SH3GL2: variants seen among roughly 807,000 people sequenced by gnomAD.
The protein encoded by SH3GL2 is SH3 domain containing GRB2 like 2, endophilin A1.
In SH3GL2, 24 loss-of-function variants were observed where a neutral mutation model predicts 46.0. The observed-to-expected ratio is 0.52, with a 90% CI of 0.38 to 0.73. The LOEUF (loss-of-function observed/expected upper bound fraction) is 0.73. Ranked by LOEUF, SH3GL2 falls within the 30% of genes least tolerant of loss-of-function variation. The pLI, the probability that SH3GL2 is intolerant of heterozygous loss-of-function variation, is 0.00. For synonymous variants in SH3GL2, 196 were observed against 147.1 expected (o/e 1.33, Z -2.40); for missense variants, 413 against 424.2 (o/e 0.97, Z 0.23).
At chr9:17,690,631 A>C (rs919565039) in intron 1 of SH3GL2, among the ~76,000 whole-genome samples, 1 of 152,086 alleles carries the variant, frequency 6.6e-6, no homozygotes, top group African/African-American at 2.4e-5. Context: ...AGTGGTAGAA[A>C]TGTGCACTGT....
chr9:17,766,518 A>G (rs867204250), intron 3 of SH3GL2, among the ~76,000 whole-genome samples: 43 of 152,228 alleles, frequency 2.8e-4, no homozygotes, highest in Admixed American at 3.9e-4. Context: ...ATGTTGTCCA[A>G]TAGAAATAGG....
chr9:17,761,493 C>T lies in SH3GL2; in HGVS notation c.171C>T (p.Tyr57=), dbSNP rs763893552. 6 of 1,594,866 alleles carry T rather than the reference C, an allele frequency of 3.8e-6. No individual in the cohort carries two copies. Among genetic ancestry groups the T allele is most frequent in the African/African-American group, 2.7e-5 (2 of 74,566 alleles). The change falls in exon 3 of 9, where the codon TAC becomes TAT. Residue 57 remains tyrosine, a synonymous_variant. Transcript: ENST00000380607. ...VMEIMTKTIE[Y]LQPNPASRAK... is the part of the protein sequence containing the mutation. ...AAATAATGACTAAAACAATTGAATA[C>T]CTTCAACCCAATCCAGGTAAGGCAT...
intron 1 of SH3GL2, among the ~76,000 whole-genome samples, chr9:17,595,089 C>G (rs544071762): frequency 6.6e-6 from 1 of 152,098 alleles, no homozygotes; most frequent in South Asian, 2.1e-4. Flanking sequence ...CATTATTATC[C>G]CCATTTTACA....
intron 1 of SH3GL2, among the ~76,000 whole-genome samples, chr9:17,693,778 C>CT (rs1321047803): frequency 6.6e-6 from 1 of 152,156 alleles, no homozygotes; most frequent in East Asian, 1.9e-4. Context: ...CCTGGCAAGG[C>CT]TTTTGATGGG....
At chr9:17,618,555 T>C (rs1042099043) in intron 1 of SH3GL2, among the ~76,000 whole-genome samples, 1 of 152,184 alleles carries the variant, frequency 6.6e-6, no homozygotes, top group African/African-American at 2.4e-5. Context: ...AAACCTTGCC[T>C]GTGTTGATGT....
chr9:17,624,676 A>C (rs1405486338), intron 1 of SH3GL2, among the ~76,000 whole-genome samples: 1 of 152,176 alleles, frequency 6.6e-6, no homozygotes, highest in Non-Finnish European at 1.5e-5. Flanking sequence ...GCATGTTCCC[A>C]TCACTTACTT....
At chr9:17,734,690 G>A (rs991241214) in intron 1 of SH3GL2, among the ~76,000 whole-genome samples, 1 of 152,058 alleles carries the variant, frequency 6.6e-6, no homozygotes, top group African/African-American at 2.4e-5. Context: ...TGTGAAACAA[G>A]CCAGAGACAA....
intron 1 of SH3GL2, among the ~76,000 whole-genome samples, chr9:17,604,556 C>G (rs1818730416): frequency 1.3e-5 from 2 of 152,172 alleles, no homozygotes; most frequent in African/African-American, 4.8e-5. Flanking sequence ...TGTTAGTTCT[C>G]TGTCCTTAGC....
intron 1 of SH3GL2, among the ~76,000 whole-genome samples, chr9:17,695,230 A>G (rs992799348): frequency 2.0e-5 from 3 of 152,214 alleles, no homozygotes; most frequent in Non-Finnish European, 4.4e-5. Context: ...TATCTTATCA[A>G]GATATTTTCA....
Position 17,786,511 on chromosome 9 carries a change from T to C in SH3GL2, c.318T>C (p.Asp106=). ...AMLKFGRELG[D]DCNFGPALGE... ...TCAAATTTGGAAGAGAGCTTGGAGATGATTGCAACTTTGGTAACAAGTGCT... is the reference window on the plus strand; with the variant it reads ...TCAAATTTGGAAGAGAGCTTGGAGACGATTGCAACTTTGGTAACAAGTGCT... The change falls in exon 4 of 9, where the codon GAT becomes GAC. Residue 106 remains aspartate, a synonymous_variant. Transcript: ENST00000380607. 2 of 1,613,398 alleles carry C rather than the reference T, an allele frequency of 1.2e-6. No homozygotes were observed. The highest frequency in any genetic ancestry group is 1.7e-6 in the Non-Finnish European group (2 of 1,179,590).
At chr9:17,615,336 A>G (rs1022052629) in intron 1 of SH3GL2, among the ~76,000 whole-genome samples, 11 of 152,122 alleles carry the variant, frequency 7.2e-5, no homozygotes, top group South Asian at 6.2e-4. Flanking sequence ...TATTCTTTTC[A>G]TTTGTCATTT....
At chr9:17,628,781 C>G (rs1229040970) in intron 1 of SH3GL2, among the ~76,000 whole-genome samples, 1 of 152,044 alleles carries the variant, frequency 6.6e-6, no homozygotes, top group Non-Finnish European at 1.5e-5. Flanking sequence ...ATCCTGCCAA[C>G]TGCCCTTTTA....
intron 1 of SH3GL2, among the ~76,000 whole-genome samples, chr9:17,644,532 T>G (rs929660465): frequency 1.2e-4 from 19 of 152,142 alleles, no homozygotes; most frequent in African/African-American, 3.9e-4. Context: ...CTGTGTGTTC[T>G]TATTGGTTTC....
At chr9:17,631,598 T>A (rs193052038) in intron 1 of SH3GL2, among the ~76,000 whole-genome samples, 1 of 152,198 alleles carries the variant, frequency 6.6e-6, no homozygotes, top group South Asian at 2.1e-4. Flanking sequence ...CTGGGCTGTA[T>A]GACAATGTTG....
intron 2 of SH3GL2, among the ~76,000 whole-genome samples, chr9:17,757,769 A>G (rs188973282): frequency 6.6e-6 from 1 of 152,348 alleles, no homozygotes; most frequent in East Asian, 1.9e-4. Flanking sequence ...GCTAGTTATA[A>G]TAAGTTACTT....
intron 1 of SH3GL2, among the ~76,000 whole-genome samples, chr9:17,741,401 C>T (rs901692690): frequency 2.6e-5 from 4 of 152,186 alleles, no homozygotes; most frequent in East Asian, 1.9e-4. Context: ...ATACTAATTG[C>T]AGTTGTAATG....
intron 1 of SH3GL2, among the ~76,000 whole-genome samples, chr9:17,689,838 TCA>T (rs1361319900): frequency 6.6e-6 from 1 of 152,126 alleles, no homozygotes; most frequent in Non-Finnish European, 1.5e-5. Context: ...TTCATAATAC[TCA>T]GTTACTGAAA....
intron 3 of SH3GL2, among the ~76,000 whole-genome samples, chr9:17,764,668 C>T (rs933492707): frequency 2.8e-5 from 4 of 141,028 alleles, no homozygotes; most frequent in Non-Finnish European, 6.2e-5. Context: ...TAGATTACTG[C>T]TCCCGGGTGC....
intron 1 of SH3GL2, among the ~76,000 whole-genome samples, chr9:17,607,921 T>C (rs1818789343): frequency 6.6e-6 from 1 of 152,160 alleles, no homozygotes; most frequent in Non-Finnish European, 1.5e-5. Context: ...TATGGAATGC[T>C]TTCCTGTCCC....
Sources: allele counts gnomAD v4.1 joint callset (sites outside exome capture counted in the v4.1 genomes callset), GRCh38; gene constraint gnomAD v4.1.1; transcripts MANE v1.5; gene names NCBI Gene and HGNC (gene_info 2026-07-23, HGNC 2026-07-21).